Variants in GATAD1 observed in about 807,000 individuals in gnomAD.
The protein encoded by GATAD1 is GATA zinc finger domain-containing protein 1.
In GATAD1, 12 loss-of-function variants were observed where a neutral mutation model predicts 26.5. The observed-to-expected ratio is 0.45, with a 90% CI of 0.29 to 0.73. GATAD1 has a LOEUF of 0.73. Among genes scored for constraint, GATAD1 ranks in the 30% least tolerant of loss-of-function variants. The probability of loss-of-function intolerance (pLI) is 0.10; values close to 1 mark genes in which losing one functional copy is unlikely to be tolerated. For synonymous variants in GATAD1, 129 were observed against 133.1 expected, an observed-to-expected ratio of 0.97 and a Z score of 0.21; for missense variants, 266 against 342.1, an observed-to-expected ratio of 0.78 and a Z score of 1.75.
At chr7:92,486,307 G>A in the GATAD1 span, among the ~76,000 whole-genome samples, 26 of 152,178 alleles carry the variant, frequency 1.7e-4, no homozygotes, top group Admixed American at 4.6e-4. Flanking sequence ...CCTTGGAATT[G>A]TATTTGTTTT....
chr7:92,487,613 G>C, the GATAD1 span: 1 of 651,330 alleles, frequency 1.5e-6, no homozygotes, highest in Non-Finnish European at 2.7e-6. Flanking sequence ...TGGATTGTTG[G>C]CAAACACAAT....
chr7:92,453,889 C>T (rs1381355832), intron 3 of GATAD1, among the ~76,000 whole-genome samples: 1 of 152,150 alleles, frequency 6.6e-6, no homozygotes, highest in African/African-American at 2.4e-5. Flanking sequence ...GTACGGAGCA[C>T]AGAGGATTTT....
Position 92,458,042 on chromosome 7 carries a change from C to T in GATAD1, c.*1480C>T, listed in dbSNP as rs1251702987. The stretch of plus-strand genomic sequence containing the variant: ...ATCCCAGCTACTCGGGAGGCTGAGG[C>T]AGGAGAATTGCTTGAACTCGGGAGG... On this transcript the variant is annotated 3_prime_UTR_variant, in exon 5 of 5. Transcript: ENST00000287957. The T allele has an allele frequency of 6.6e-6, 1 of 152,228 alleles. No homozygotes were observed. The highest frequency in any genetic ancestry group is 1.5e-5 in the Non-Finnish European group (1 of 68,148). The allele number at this position is 152,228 out of a possible 1,614,324, so 9.4% of individuals were successfully genotyped here. A position where few individuals can be genotyped will look rare whatever the true frequency, so the allele number is the denominator to read the frequency against.
At position 92,447,892 on chromosome 7, in the gene GATAD1, AGCG is replaced by A. The variant is rs876657812; in HGVS notation, c.175_177del (p.Gly59del). On this transcript the variant is annotated inframe_deletion, in exon 1 of 5. Coordinates refer to ENST00000287957, the MANE Select transcript of GATAD1 (RefSeq NM_021167.5). ...GGGGGCGGCTGGAGGGACTGGGGGC[AGCG>A]GCGGCGGCGGCTTCGGCGCGGCGAC... The A allele has an allele frequency of 3.8e-5, 48 of 1,266,210 alleles. No homozygotes were observed. Among genetic ancestry groups the A allele is most frequent in the Middle Eastern group, 2.4e-4 (1 of 4,178 alleles). The allele number at this position is 1,266,210 out of a possible 1,614,324, so 78.4% of individuals were successfully genotyped here. A position where few individuals can be genotyped will look rare whatever the true frequency, so the allele number is the denominator to read the frequency against.
the GATAD1 span, among the ~76,000 whole-genome samples, chr7:92,481,360 G>A: frequency 6.6e-6 from 1 of 152,140 alleles, no homozygotes; most frequent in African/African-American, 2.4e-5. Flanking sequence ...GAAGGAGCCG[G>A]GGAGCAGAAA....
In GATAD1 at chr7:92,459,679, C is replaced by A. The variant is rs188425105; in HGVS notation, c.*3117C>A. Among the ~76,000 whole-genome samples the A allele has an allele frequency of 2.5e-4, 38 of 152,330 alleles. No individual in the cohort carries two copies. Among genetic ancestry groups the A allele is most frequent in the Non-Finnish European group, 4.1e-4 (28 of 68,024 alleles). On this transcript the variant is annotated 3_prime_UTR_variant, in exon 5 of 5. Transcript: ENST00000287957. Reference sequence around the variant, plus strand: ...TCCCATGCCTTTTTGGAATCAATCTCTATCCTATTGTCATCACATTTAAGT... The same window carrying A: ...TCCCATGCCTTTTTGGAATCAATCTATATCCTATTGTCATCACATTTAAGT...
At chr7:92,470,382 G>C in the GATAD1 span, 70 of 692,438 alleles carry the variant, frequency 1.0e-4, no homozygotes, top group Non-Finnish European at 9.0e-5. Flanking sequence ...GGAGGGCCAT[G>C]GGGATTTATG....
chr7:92,489,859 A>C, the GATAD1 span: 3 of 1,614,094 alleles, frequency 1.9e-6, 1 homozygote. Flanking sequence ...TTTCCCAGGA[A>C]CTCCAGGCAA....
the GATAD1 span, chr7:92,465,221 G>T: frequency 6.6e-6 from 1 of 152,158 alleles, no homozygotes; most frequent in African/African-American, 2.4e-5. Context: ...ACAGTACTAG[G>T]TCCAAAGAAT....
the GATAD1 span, chr7:92,471,435 G>A: frequency 6.6e-6 from 1 of 152,232 alleles, no homozygotes; most frequent in Non-Finnish European, 1.5e-5. Flanking sequence ...GTTTGATGAA[G>A]GGTTTTAAGT....
At chr7:92,477,121 C>A in the GATAD1 span, among the ~76,000 whole-genome samples, 1 of 152,130 alleles carries the variant, frequency 6.6e-6, no homozygotes, top group Admixed American at 6.5e-5. Flanking sequence ...GAGTTCAGGA[C>A]GACAGCTTTC....
the GATAD1 span, chr7:92,465,298 T>C: frequency 1.3e-5 from 2 of 152,214 alleles, no homozygotes; most frequent in Non-Finnish European, 2.9e-5. Context: ...ACTTACATAG[T>C]TTCATTTTCT....
chr7:92,459,665 T>G lies in GATAD1; in HGVS notation c.*3103T>G, dbSNP rs567493875. Among the ~76,000 whole-genome samples the G allele has an allele frequency of 2.6e-5, 4 of 152,232 alleles. No individual in the cohort carries two copies. The highest frequency in any genetic ancestry group is 5.9e-5 in the Non-Finnish European group (4 of 68,036). On this transcript the variant is annotated 3_prime_UTR_variant, in exon 5 of 5. Coordinates refer to ENST00000287957, the MANE Select transcript of GATAD1 (RefSeq NM_021167.5). The stretch of plus-strand genomic sequence containing the variant: ...AGAACTTTCCAGATTCCCATGCCTT[T>G]TTGGAATCAATCTCTATCCTATTGT...
At chr7:92,456,070 G>A (rs933636364) in intron 4 of GATAD1, among the ~76,000 whole-genome samples, 1 of 152,124 alleles carries the variant, frequency 6.6e-6, no homozygotes, top group African/African-American at 2.4e-5. Flanking sequence ...TAATAATAGT[G>A]CCTACCTCAG....
the GATAD1 span, among the ~76,000 whole-genome samples, chr7:92,473,837 C>T: frequency 0.026 from 3,902 of 152,056 alleles, 207 homozygotes; most frequent in African/African-American, 0.089. Context: ...ATACCCAGGG[C>T]TCTGTGAGGG....
chr7:92,455,866 C>T (rs746777488), intron 4 of GATAD1, among the ~76,000 whole-genome samples: 1 of 152,200 alleles, frequency 6.6e-6, no homozygotes, highest in Admixed American at 6.5e-5. Context: ...CGGGATTCCT[C>T]TACTGCCTCC....
the GATAD1 span, among the ~76,000 whole-genome samples, chr7:92,481,629 G>A: frequency 6.6e-6 from 1 of 152,212 alleles, no homozygotes; most frequent in Non-Finnish European, 1.5e-5. Flanking sequence ...AATGAAAAGG[G>A]TTGGGATGAG....
chr7:92,461,377 CAG>C (rs1485640826), downstream of GATAD1: 1 of 152,232 alleles, frequency 6.6e-6, no homozygotes, highest in African/African-American at 2.4e-5. Flanking sequence ...CAGCCTTACA[CAG>C]AGTGTTCAGC....
At chr7:92,495,426 C>G in the GATAD1 span, among the ~76,000 whole-genome samples, 3 of 152,126 alleles carry the variant, frequency 2.0e-5, no homozygotes, top group Non-Finnish European at 2.9e-5. Context: ...TGGCAAAACT[C>G]TCCTAGAAAA....
Sources: gnomAD v4.1 joint callset for allele counts (sites outside exome capture counted in the v4.1 genomes callset) on GRCh38, gnomAD v4.1.1 for gene constraint, MANE v1.5 for transcripts, NCBI Gene and HGNC (gene_info 2026-07-23, HGNC 2026-07-21) for gene names.